SLC16A2: variants seen among roughly 807,000 people sequenced by gnomAD.
SLC16A2 encodes the protein monocarboxylate transporter 8.
SLC16A2 carries 3 observed loss-of-function variants against 27.2 expected under a neutral mutation model. That is an observed-to-expected ratio of 0.11 (90% CI 0.05 to 0.28). The LOEUF is 0.28. Ranked by LOEUF, SLC16A2 falls within the 10% of genes least tolerant of loss-of-function variation. SLC16A2 has a pLI of 1.00. For synonymous variants in SLC16A2, 202 were observed against 187.8 expected (o/e 1.08, Z -0.62); for missense variants, 295 against 458.5 (o/e 0.64, Z 3.26).
intron 1 of SLC16A2, among the ~76,000 whole-genome samples, chrX:74,517,694 C>T: frequency 9.0e-6 from 1 of 111,683 alleles, no homozygotes; most frequent in South Asian, 3.8e-4. Context: ...CCACCATCAT[C>T]AAGATATGTA....
rs968256534 is a variant in SLC16A2 at position 74,525,973 on chromosome X, T to C, written c.1170+80T>C. ...GTTATCCACAGCCTTTGGGATAGAA[T>C]GGTAGCTTGTTGTGTCGCATGGGAA... On this transcript the variant is annotated intron_variant, in intron 4 of 5. Transcript: ENST00000587091. 18 of 1,080,578 alleles carry C rather than the reference T, an allele frequency of 1.7e-5. No homozygotes were observed. The Admixed American group carries it at 1.9e-4, about 11-fold the overall frequency. The allele number at this position is 1,080,578 out of a possible 1,213,427, so 89.1% of individuals were successfully genotyped here. A position where few individuals can be genotyped will look rare whatever the true frequency, so the allele number is the denominator to read the frequency against.
At chrX:74,484,013 G>C (rs1026818811) in intron 1 of SLC16A2, among the ~76,000 whole-genome samples, 4 of 111,488 alleles carry the variant, frequency 3.6e-5, no homozygotes, top group African/African-American at 1.3e-4. Context: ...CCCTGTACTA[G>C]GAGCTGGAGG....
chrX:74,436,442 C>T (rs1928633600), intron 1 of SLC16A2, among the ~76,000 whole-genome samples: 1 of 111,720 alleles, frequency 9.0e-6, no homozygotes, highest in Non-Finnish European at 1.9e-5. Flanking sequence ...GCCACACTGT[C>T]TGGATTAATC....
chrX:74,426,015 G>A (rs1928395478), intron 1 of SLC16A2, among the ~76,000 whole-genome samples: 1 of 111,784 alleles, frequency 8.9e-6, no homozygotes, highest in Non-Finnish European at 1.9e-5. Context: ...GCATGGGGAA[G>A]AATGATACAC....
intron 1 of SLC16A2, among the ~76,000 whole-genome samples, chrX:74,485,513 T>C (rs1184223688): frequency 1.8e-5 from 2 of 110,617 alleles, no homozygotes; most frequent in Non-Finnish European, 3.8e-5. Flanking sequence ...CTCTTAGAGC[T>C]CCCAAGATGG....
At chrX:74,455,013 G>A (rs368241322) in intron 1 of SLC16A2, among the ~76,000 whole-genome samples, 1 of 112,100 alleles carries the variant, frequency 8.9e-6, no homozygotes, top group Non-Finnish European at 1.9e-5. Context: ...ACACAAGTGG[G>A]CACTCTAAAG....
rs1452833622 is a variant in SLC16A2 at position 74,533,261 on chromosome X, T to G, written c.*1708T>G. On this transcript the variant is annotated 3_prime_UTR_variant, in exon 6 of 6. Transcript: ENST00000587091. ...CCGTTACAAACAGGCAGCTGGGGCA[T>G]GGTTGGCCTCCAATGATTTCATTCA... 1 of 112,041 alleles carries G rather than the reference T, an allele frequency of 8.9e-6. No individual in the cohort carries two copies. The highest frequency in any genetic ancestry group is 1.9e-5 in the Non-Finnish European group (1 of 53,067). 9.2% of individuals were successfully genotyped at this position (112,041 alleles called of 1,213,427 possible).
chrX:74,469,942 G>T (rs1028328286), intron 1 of SLC16A2, among the ~76,000 whole-genome samples: 1 of 111,707 alleles, frequency 9.0e-6, no homozygotes, highest in East Asian at 2.8e-4. Flanking sequence ...ATACAGAATA[G>T]TTCCACTGCT....
chrX:74,452,549 TAGTTTTGTGAAATTTGCTTG>T (rs1211774947), intron 1 of SLC16A2, among the ~76,000 whole-genome samples: 1 of 111,706 alleles, frequency 9.0e-6, no homozygotes, highest in Non-Finnish European at 1.9e-5. Context: ...TAGGGATAAT[TAGTTTTGTGAAATTTGCTTG>T]AGGTATATAT....
chrX:74,495,180 G>C (rs1377692082), intron 1 of SLC16A2, among the ~76,000 whole-genome samples: 2 of 111,871 alleles, frequency 1.8e-5, no homozygotes, highest in Non-Finnish European at 3.8e-5. Flanking sequence ...CTGCCCGAGT[G>C]AGGGGCTTTC....
chrX:74,505,356 C>T (rs1930106040), intron 1 of SLC16A2, among the ~76,000 whole-genome samples: 1 of 112,133 alleles, frequency 8.9e-6, no homozygotes, highest in African/African-American at 3.2e-5. Context: ...TTCCCCATCT[C>T]TCTCAGAAAA....
intron 1 of SLC16A2, among the ~76,000 whole-genome samples, chrX:74,434,945 T>A (rs1928597192): frequency 9.4e-6 from 1 of 106,366 alleles, no homozygotes; most frequent in South Asian, 4.5e-4. Context: ...TGCCCCAGCC[T>A]CCCAAGTAGC....
intron 1 of SLC16A2, among the ~76,000 whole-genome samples, chrX:74,489,802 G>A (rs1929788721): frequency 9.0e-6 from 1 of 110,635 alleles, no homozygotes; most frequent in Non-Finnish European, 1.9e-5. Flanking sequence ...CAGCTAAATA[G>A]CCCTACATTT....
intron 1 of SLC16A2, among the ~76,000 whole-genome samples, chrX:74,519,327 G>A (rs752188656): frequency 9.7e-4 from 104 of 107,621 alleles, no homozygotes; most frequent in Middle Eastern, 5.0e-3. Context: ...ACAGGCGCCC[G>A]CCCCCACACC....
intron 1 of SLC16A2, among the ~76,000 whole-genome samples, chrX:74,429,708 G>A (rs1036417784): frequency 8.9e-6 from 1 of 112,201 alleles, no homozygotes; most frequent in Non-Finnish European, 1.9e-5. Flanking sequence ...GTGTATGTGT[G>A]TACAGCAGGG....
At position 74,432,182 on chromosome X, in the gene SLC16A2, T is replaced by A. The variant is rs139115014; in HGVS notation, c.430+10115T>A. 3.8e-3 allele frequency among the ~76,000 whole-genome samples: 427 copies of A among 111,249 alleles called. 5 individuals are homozygous for A. The highest frequency in any genetic ancestry group is 6.6e-4 in the Non-Finnish European group (35 of 53,040). On this transcript the variant is annotated intron_variant, in intron 1 of 5. Transcript: ENST00000587091. ...TGGTGGGGTGGAGTTAGGGTGTCACTTCCTCCCGAGGGTCTCTCACAGAGC... is the reference window on the plus strand; with the variant it reads ...TGGTGGGGTGGAGTTAGGGTGTCACATCCTCCCGAGGGTCTCTCACAGAGC...
At position 74,531,817 on chromosome X, in the gene SLC16A2, TC is replaced by T; in HGVS notation, c.*265del. The stretch of plus-strand genomic sequence containing the variant: ...GGAACCACCCCTGGCCTTTGGAACC[TC>T]TCCATATACTTTCTAAGCTCTGGGG... On this transcript the variant is annotated 3_prime_UTR_variant, in exon 6 of 6. Coordinates refer to ENST00000587091, the MANE Select transcript of SLC16A2 (RefSeq NM_006517.5). 2.4e-6 allele frequency: 1 copy of T among 418,310 alleles called. No individual in the cohort carries two copies. Among genetic ancestry groups the T allele is most frequent in the Non-Finnish European group, 4.2e-6 (1 of 237,803 alleles). 34.5% of individuals were successfully genotyped at this position (418,310 alleles called of 1,213,427 possible). A position where few individuals can be genotyped will look rare whatever the true frequency, so the allele number is the denominator to read the frequency against.
intron 1 of SLC16A2, among the ~76,000 whole-genome samples, chrX:74,507,108 G>A (rs1930148920): frequency 9.4e-6 from 1 of 106,840 alleles, no homozygotes; most frequent in Admixed American, 1.0e-4. Flanking sequence ...CACCACACCT[G>A]GCTAATTTTT....
chrX:74,494,273 G>A (rs1929892352), intron 1 of SLC16A2, among the ~76,000 whole-genome samples: 1 of 112,002 alleles, frequency 8.9e-6, no homozygotes, highest in East Asian at 2.8e-4. Flanking sequence ...TTTAAAGCAT[G>A]TCGTTATGGA....
Sources: allele counts gnomAD v4.1 joint callset (sites outside exome capture counted in the v4.1 genomes callset), GRCh38; gene constraint gnomAD v4.1.1; transcripts MANE v1.5; gene names NCBI Gene and HGNC (gene_info 2026-07-23, HGNC 2026-07-21).